The following MEGF6 variants were observed in gnomAD, a reference collection of about 807,000 sequenced individuals.
MEGF6 encodes the protein multiple epidermal growth factor-like domains protein 6.
In MEGF6, 184 loss-of-function variants were observed where a neutral mutation model predicts 207.1. The ratio of observed to expected loss-of-function variants is 0.89; its 90% CI spans 0.79 to 1.00. The LOEUF is 1.00. MEGF6 is among the 50% of genes least tolerant of loss of function. MEGF6 has a pLI of 0.00. For synonymous variants in MEGF6, 1,038 were observed against 910.0 expected (o/e 1.14, Z -2.53); for missense variants, 2,282 against 2,202.9 (o/e 1.04, Z -0.72).
At chr1:3,497,642 G>A in intron 26 of MEGF6, 1 of 618,604 alleles carries the variant, frequency 1.6e-6, no homozygotes, top group Non-Finnish European at 3.0e-6. Flanking sequence ...GAGACAGATA[G>A]GGCTGAGAGC....
intron 1 of MEGF6, among the ~76,000 whole-genome samples, chr1:3,605,595 GACAC>G (rs899964315): frequency 1.3e-5 from 2 of 151,482 alleles, no homozygotes; most frequent in East Asian, 1.9e-4. Context: ...CTCATACAAT[GACAC>G]ACACACAATC....
intron 32 of MEGF6, 61 bp downstream of exon 32, chr1:3,494,310 C>T (rs552143118): frequency 5.1e-5 from 76 of 1,504,092 alleles, no homozygotes; most frequent in African/African-American, 2.8e-4. Flanking sequence ...ATCACCCACA[C>T]GGGAGGAGTG....
intron 4 of MEGF6, among the ~76,000 whole-genome samples, chr1:3,544,436 G>A (rs1361582697): frequency 6.6e-6 from 1 of 152,002 alleles, no homozygotes; most frequent in Non-Finnish European, 1.5e-5. Context: ...GGGGCCCTCG[G>A]GGGCCTCTCC....
chr1:3,575,615 A>C (rs374077312), intron 4 of MEGF6, among the ~76,000 whole-genome samples: 31 of 107,264 alleles, frequency 2.9e-4, no homozygotes, highest in African/African-American at 1.1e-3. Context: ...GGCAGAAGGC[A>C]AGGAGGAGCA....
intron 5 of MEGF6, among the ~76,000 whole-genome samples, chr1:3,517,340 C>A (rs1641579882): frequency 6.6e-6 from 1 of 152,198 alleles, no homozygotes; most frequent in Admixed American, 6.5e-5. Flanking sequence ...ACCCAGGGAC[C>A]ACCGGGCATG....
intron 8 of MEGF6, 76 bp from the exon 9 acceptor site, chr1:3,511,763 C>T (rs1436371510): frequency 3.2e-6 from 5 of 1,551,968 alleles, no homozygotes; most frequent in Non-Finnish European, 4.4e-6. Flanking sequence ...ACCCCTACCT[C>T]CACCCAGCAG....
At chr1:3,568,890 C>T (rs531990708) in intron 4 of MEGF6, among the ~76,000 whole-genome samples, 1 of 152,322 alleles carries the variant, frequency 6.6e-6, no homozygotes, top group Admixed American at 6.5e-5. Flanking sequence ...GGTCTGCACC[C>T]CAGCTCCATG....
Position 3,494,671 on chromosome 1 carries a change from G to A in MEGF6, c.3942C>T (p.His1314=), listed in dbSNP as rs765421811. The A allele has an allele frequency of 6.6e-5, 104 of 1,569,740 alleles. No individual in the cohort carries two copies. Among genetic ancestry groups the A allele is most frequent in the Middle Eastern group, 5.7e-4 (3 of 5,232 alleles). The stretch of plus-strand genomic sequence containing the variant: ...CACAGGAGCAGCTGCCGTTGCTGGC[G>A]TGGCACAGGCCCCCATTTCTGCAGG... ...TCSCRNGGLC[H]ASNGSCSCGL... Residue 1314 remains histidine, a synonymous_variant, in exon 31 of 37, where the codon CAC becomes CAT. Transcript: ENST00000356575.
intron 4 of MEGF6, chr1:3,531,320 G>A: frequency 3.2e-6 from 4 of 1,235,646 alleles, no homozygotes; most frequent in Non-Finnish European, 4.0e-6. Context: ...CGGGCGACGG[G>A]GCAGGCGGCT....
chr1:3,591,471 C>A (rs527887873), intron 3 of MEGF6, among the ~76,000 whole-genome samples: 4 of 152,342 alleles, frequency 2.6e-5, no homozygotes, highest in East Asian at 3.9e-4. Context: ...CCTCTAAGAA[C>A]AAGAGCTGGC....
intron 4 of MEGF6, among the ~76,000 whole-genome samples, chr1:3,528,279 G>A (rs888533221): frequency 8.5e-5 from 13 of 152,212 alleles, no homozygotes; most frequent in African/African-American, 2.4e-4. Flanking sequence ...AAGCAAGGTA[G>A]GAACGCGTCA....
chr1:3,565,040 G>A lies in MEGF6; in HGVS notation c.481+14785C>T, dbSNP rs746278953. Among the ~76,000 whole-genome samples, 4 of 152,096 alleles carry A rather than the reference G, an allele frequency of 2.6e-5. No individual in the cohort carries two copies. The highest frequency in any genetic ancestry group is 4.8e-5 in the African/African-American group (2 of 41,408). On this transcript the variant is annotated intron_variant, in intron 4 of 36. Coordinates refer to ENST00000356575, the MANE Select transcript of MEGF6 (RefSeq NM_001409.4). This position sits in a 1 kb window ranked among gnomAD's most constrained non-coding sequence, Gnocchi z 4.8. ...TCCAATTCTGTCCCAGCACCAGGAC[G>A]CGGACCCAGGAGGGCAGGGGTTTTG... is the stretch of plus-strand genomic sequence containing the variant.
intron 1 of MEGF6, among the ~76,000 whole-genome samples, chr1:3,604,105 CGAA>C (rs954812937): frequency 3.3e-5 from 5 of 152,234 alleles, no homozygotes; most frequent in Admixed American, 3.3e-4. Flanking sequence ...TGCCCACCCA[CGAA>C]GGGGCAGACG....
At chr1:3,541,434 A>C (rs1486207569) in intron 4 of MEGF6, among the ~76,000 whole-genome samples, 1 of 152,230 alleles carries the variant, frequency 6.6e-6, no homozygotes, top group African/African-American at 2.4e-5. Flanking sequence ...TGGGTGGGAC[A>C]AAGTGTTGCT....
At chr1:3,512,229 G>A in intron 7 of MEGF6, 101 bp from the exon 8 acceptor site, 1 of 1,454,748 alleles carries the variant, frequency 6.9e-7, no homozygotes, top group South Asian at 1.4e-5. Flanking sequence ...CCCAGGGCCT[G>A]TGGCCGCATG....
chr1:3,510,456 C>A (rs1641299132), intron 10 of MEGF6, among the ~76,000 whole-genome samples: 1 of 149,508 alleles, frequency 6.7e-6, no homozygotes. Context: ...AGGCGCTCAA[C>A]CAACACCCAC....
chr1:3,585,534 G>A (rs1188239510), intron 3 of MEGF6, among the ~76,000 whole-genome samples: 2 of 142,364 alleles, frequency 1.4e-5, no homozygotes, highest in Non-Finnish European at 3.0e-5. Flanking sequence ...TCCTGTTGTG[G>A]GTGTGACACA....
In MEGF6 at chr1:3,500,674, C is replaced by T. The variant is rs1286184001; in HGVS notation, c.2666G>A (p.Cys889Tyr). ...HGSCDAISGL[C>Y]LCEAGYVGPR... ...GCCCACGTAGCCAGCCTCACACAGACACAGGCCGCTGATGGCATCACAGCT... is the reference window on the plus strand; with the variant it reads ...GCCCACGTAGCCAGCCTCACACAGATACAGGCCGCTGATGGCATCACAGCT... The change falls in exon 21 of 37, where the codon TGT (cysteine) becomes TAT (tyrosine). Residue 889 changes from cysteine (C) to tyrosine (Y), a missense_variant. Coordinates refer to ENST00000356575, the MANE Select transcript of MEGF6 (RefSeq NM_001409.4). 6.4e-7 allele frequency: 1 copy of T among 1,572,708 alleles called. No individual in the cohort carries two copies. The highest frequency in any genetic ancestry group is 8.6e-7 in the Non-Finnish European group (1 of 1,159,292).
Position 3,611,145 on chromosome 1 carries a change from G to A in MEGF6, c.124C>T (p.Pro42Ser), listed in dbSNP as rs762248632. ...VPPRPLLPLQPGMPHVCAEQE... is the reference protein window; with the variant it reads ...VPPRPLLPLQSGMPHVCAEQE... ...CCAGCTCCTGCTACTCACATGCCGG[G>A]CTGCAGCGGGAGCAGGGGCCGCGGC... The change falls in exon 1 of 37, where the codon CCC becomes TCC. Residue 42 changes from proline to serine, a missense_variant. Physicochemically the swap from Pro to Ser is moderately conservative, Grantham distance 74 (BLOSUM62 -1). Transcript: ENST00000356575. The A allele has an allele frequency of 2.6e-6, 4 of 1,519,184 alleles. No homozygotes were observed. The highest frequency in any genetic ancestry group is 3.5e-6 in the Non-Finnish European group (4 of 1,142,230). 94.1% of individuals were successfully genotyped at this position (1,519,184 alleles called of 1,614,324 possible).
Sources: gnomAD v4.1 joint callset for allele counts (sites outside exome capture counted in the v4.1 genomes callset) on GRCh38, gnomAD v4.1.1 for gene constraint, Gnocchi (gnomAD v3.1) non-coding constraint, MANE v1.5 for transcripts, NCBI Gene and HGNC (gene_info 2026-07-23, HGNC 2026-07-21) for gene names.